CLK4: variants seen among roughly 807,000 people sequenced by gnomAD.
CLK4 encodes the protein CDC like kinase 4.
In CLK4, 37 loss-of-function variants were observed where a neutral mutation model predicts 64.4. The ratio of observed to expected loss-of-function variants is 0.57; its 90% CI spans 0.44 to 0.76. The LOEUF (loss-of-function observed/expected upper bound fraction) is 0.76. Ranked by LOEUF, CLK4 falls within the 30% of genes least tolerant of loss-of-function variation. CLK4 has a pLI of 0.00. For missense variants in CLK4, 457 were observed against 605.1 expected, an observed-to-expected ratio of 0.76 and a Z score of 2.57; for synonymous variants, 175 against 191.6, an observed-to-expected ratio of 0.91 and a Z score of 0.72.
chr5:178,618,365 A>G (rs1252045034), intron 3 of CLK4, 191 bp downstream of exon 3: 1 of 223,440 alleles, frequency 4.5e-6, no homozygotes. Context: ...AATGAGGGCT[A>G]GCTAATAAAT....
intron 1 of CLK4, 60 bp from the exon 2 acceptor site, chr5:178,623,476 T>G: frequency 7.8e-7 from 1 of 1,280,276 alleles, no homozygotes; most frequent in Non-Finnish European, 1.0e-6. Flanking sequence ...GGTAAATTAT[T>G]ATATATTAAT....
intron 9 of CLK4, among the ~76,000 whole-genome samples, chr5:178,611,086 AG>A (rs567857210): frequency 7.3e-5 from 11 of 150,058 alleles, no homozygotes; most frequent in African/African-American, 1.2e-4. Flanking sequence ...GAAAAAAAAA[AG>A]GGGGGGGTTA....
chr5:178,625,422 CA>C (rs58734641), intron 1 of CLK4, among the ~76,000 whole-genome samples: 6 of 121,536 alleles, frequency 4.9e-5, no homozygotes, highest in Non-Finnish European at 1.0e-4. Context: ...GACCCTGTCT[CA>C]AAAAAAAAAA....
At chr5:178,611,726 C>T (rs1764560886) in intron 9 of CLK4, among the ~76,000 whole-genome samples, 1 of 152,186 alleles carries the variant, frequency 6.6e-6, no homozygotes, top group Non-Finnish European at 1.5e-5. Flanking sequence ...AAATGCTTTA[C>T]AATCTAACCT....
Position 178,623,436 on chromosome 5 carries a change from G to C in CLK4, c.1-20C>G. On this transcript the variant is annotated intron_variant, in intron 1 of 12. Coordinates refer to ENST00000316308, the MANE Select transcript of CLK4 (RefSeq NM_020666.3). Reference sequence around the variant, plus strand: ...CCGCATCTGTTGATAGAAATGAAAAGGGAATTGTGGAGGTTACAGATGTGT... The same window carrying C: ...CCGCATCTGTTGATAGAAATGAAAACGGAATTGTGGAGGTTACAGATGTGT... 1 of 1,597,516 alleles carries C rather than the reference G, an allele frequency of 6.3e-7. No homozygotes were observed. Among genetic ancestry groups the C allele is most frequent in the African/African-American group, 1.3e-5 (1 of 74,098 alleles).
chr5:178,608,524 T>C, intron 9 of CLK4, 66 bp from the exon 10 acceptor site: 1 of 1,197,594 alleles, frequency 8.4e-7, no homozygotes, highest in Non-Finnish European at 1.2e-6. Flanking sequence ...CATTAAATCC[T>C]TCCCTATATG....
At chr5:178,605,179 A>G (rs960210849) in intron 11 of CLK4, 124 bp downstream of exon 11, 3 of 221,334 alleles carry the variant, frequency 1.4e-5, no homozygotes, top group Admixed American at 6.3e-5. Flanking sequence ...TCCAGTACAG[A>G]AAAAAAAAAA....
rs1413105081 is a variant in CLK4 at position 178,603,677 on chromosome 5, T to C, written c.1386A>G (p.Gln462=). 2.5e-6 allele frequency: 4 copies of C among 1,603,766 alleles called. No individual in the cohort carries two copies. Among genetic ancestry groups the C allele is most frequent in the Non-Finnish European group, 3.4e-6 (4 of 1,177,060 alleles). ...GCAATGCTTCATCCAAGGTAATTCT[T>C]TGAGTTGGATCATATTCTAACATTC... ...VRRMLEYDPT[Q]RITLDEALQH... Residue 462 remains glutamine, a synonymous_variant, in exon 13 of 13, where the codon CAA becomes CAG. Transcript: ENST00000316308.
intron 11 of CLK4, chr5:178,604,658 A>C (rs1764440728): frequency 6.6e-6 from 1 of 151,910 alleles, no homozygotes; most frequent in Non-Finnish European, 1.5e-5. Flanking sequence ...TGCGCAGTTC[A>C]CAATAGGGTT....
chr5:178,611,227 G>A (rs558727990), intron 9 of CLK4, among the ~76,000 whole-genome samples: 1 of 152,224 alleles, frequency 6.6e-6, no homozygotes, highest in Admixed American at 6.5e-5. Context: ...GGAATCTATT[G>A]CCTTCTAATC....
intron 9 of CLK4, among the ~76,000 whole-genome samples, chr5:178,608,759 G>A (rs1421320432): frequency 6.6e-6 from 1 of 152,174 alleles, no homozygotes; most frequent in Non-Finnish European, 1.5e-5. Context: ...TCTCTGAACT[G>A]TTTATATAAT....
chr5:178,625,844 G>A (rs371781101), intron 1 of CLK4, among the ~76,000 whole-genome samples: 2 of 152,114 alleles, frequency 1.3e-5, no homozygotes, highest in South Asian at 2.1e-4. Context: ...CACTCACCCT[G>A]CAATGTTCAA....
At chr5:178,623,055 G>A (rs1216345392) in intron 2 of CLK4, 5 of 534,086 alleles carry the variant, frequency 9.4e-6, no homozygotes, top group Non-Finnish European at 1.6e-5. Flanking sequence ...CAGGCAGACA[G>A]ACATACATAA....
chr5:178,608,534 G>A (rs1401899540), intron 9 of CLK4, 76 bp from the exon 10 acceptor site: 7 of 1,054,226 alleles, frequency 6.6e-6, no homozygotes, highest in African/African-American at 1.6e-5. Flanking sequence ...TTCCCTATAT[G>A]AGTGCTCCCT....
chr5:178,608,558 T>A (rs1764499048), intron 9 of CLK4, 100 bp from the exon 10 acceptor site: 1 of 778,936 alleles, frequency 1.3e-6, no homozygotes, highest in Non-Finnish European at 2.0e-6. Flanking sequence ...CAGAACCCAT[T>A]TGGGAGAATA....
At chr5:178,619,175 C>T (rs1009326390) in intron 2 of CLK4, among the ~76,000 whole-genome samples, 4 of 152,172 alleles carry the variant, frequency 2.6e-5, no homozygotes, top group African/African-American at 9.7e-5. Flanking sequence ...TTTTAGATAT[C>T]CCTGGCACAG....
At chr5:178,615,423 C>CTGTAAGTCTGA (rs1764614343) in intron 5 of CLK4, among the ~76,000 whole-genome samples, 1 of 152,126 alleles carries the variant, frequency 6.6e-6, no homozygotes, top group Non-Finnish European at 1.5e-5. Flanking sequence ...ACTATTTTAT[C>CTGTAAGTCTGA]AATTTTTCTG....
Position 178,620,540 on chromosome 5 carries a change from GGGTA to G in CLK4, c.162-1766_162-1763del, listed in dbSNP as rs780298637. ...TACAGAATTACACAGGCTATGGACA[GGGTA>G]GACAGGATGAACAGACTGATTTAAT... On this transcript the variant is annotated intron_variant, in intron 2 of 12. Transcript: ENST00000316308. 7.3e-4 allele frequency: 135 copies of G among 184,234 alleles called. 1 individual carries two copies. Among genetic ancestry groups the G allele is most frequent in the Non-Finnish European group, 1.7e-3 (118 of 68,652 alleles). 11.4% of individuals were successfully genotyped at this position (184,234 alleles called of 1,614,324 possible).
intron 10 of CLK4, among the ~76,000 whole-genome samples, chr5:178,607,727 G>A (rs1275724961): frequency 6.6e-6 from 1 of 151,542 alleles, no homozygotes; most frequent in Non-Finnish European, 1.5e-5. Flanking sequence ...AGCCAGGATG[G>A]TCTCGATCTC....
Sources: allele counts gnomAD v4.1 joint callset (sites outside exome capture counted in the v4.1 genomes callset), GRCh38; gene constraint gnomAD v4.1.1; transcripts MANE v1.5; gene names NCBI Gene and HGNC (gene_info 2026-07-23, HGNC 2026-07-21).